LRRIQ1: variants seen among roughly 807,000 people sequenced by gnomAD.
LRRIQ1 encodes the protein leucine-rich repeat- and IQ domain-containing protein 1.
In LRRIQ1, 210 loss-of-function variants were observed where a neutral mutation model predicts 211.9. The ratio of observed to expected loss-of-function variants is 0.99; its 90% confidence interval spans 0.89 to 1.11. The LOEUF (loss-of-function observed/expected upper bound fraction) is 1.11, where lower values mean the gene tolerates loss of function less well. LRRIQ1 is among the 50% of genes most tolerant of loss of function. The probability of loss-of-function intolerance (pLI) is 0.00; values close to 1 mark genes in which losing one functional copy is unlikely to be tolerated. For missense variants in LRRIQ1, 2,136 were observed against 1,939.5 expected (o/e 1.10, Z -1.90); for synonymous variants, 699 against 650.1 (o/e 1.08, Z -1.14).
In LRRIQ1 at chr12:85,243,459, G is replaced by A. The variant is rs193056441; in HGVS notation, c.5017-1330G>A. 2.4e-4 allele frequency among the ~76,000 whole-genome samples: 36 copies of A among 150,024 alleles called. 2 individuals are homozygous for A. In the East Asian group the frequency reaches 6.8e-3, roughly 28 times the overall value. On this transcript the variant is annotated intron_variant, in intron 26 of 26. Coordinates refer to ENST00000393217, the MANE Select transcript of LRRIQ1 (RefSeq NM_001079910.2). ...TTTTCTACCGAGGTTTTTTGACAATGTCATTATATTACTTAGCCAGTTACA... is the reference window on the plus strand; with the variant it reads ...TTTTCTACCGAGGTTTTTTGACAATATCATTATATTACTTAGCCAGTTACA...
the LRRIQ1 span, among the ~76,000 whole-genome samples, chr12:85,271,641 C>T: frequency 2.2e-4 from 33 of 152,218 alleles, no homozygotes; most frequent in African/African-American, 7.9e-4. Flanking sequence ...GTGACTGCTT[C>T]ATTTCTGTTA....
chr12:85,038,687 A>G (rs1479911264), intron 2 of LRRIQ1, among the ~76,000 whole-genome samples: 1 of 151,578 alleles, frequency 6.6e-6, no homozygotes, highest in Non-Finnish European at 1.5e-5. Flanking sequence ...AGATTTATTC[A>G]TTTATACCAA....
chr12:85,167,369 A>G (rs1440494296), intron 24 of LRRIQ1, among the ~76,000 whole-genome samples: 4 of 152,308 alleles, frequency 2.6e-5, no homozygotes, highest in Admixed American at 2.6e-4. Context: ...CTGCAAGCTG[A>G]GGAGCAAGGA....
intron 24 of LRRIQ1, among the ~76,000 whole-genome samples, chr12:85,217,496 ATATATATATATATGTGTGTGTGTGTG>A (rs1470256881): frequency 2.6e-5 from 2 of 78,334 alleles, no homozygotes; most frequent in African/African-American, 1.8e-4. Context: ...ATATATGTAT[ATATATATATATATGTGTGTGTGTGTG>A]TGTGTGTGTG....
At chr12:85,069,355 G>A (rs1485861992) in intron 10 of LRRIQ1, among the ~76,000 whole-genome samples, 1 of 151,974 alleles carries the variant, frequency 6.6e-6, no homozygotes, top group Non-Finnish European at 1.5e-5. Flanking sequence ...GTACATTTAG[G>A]TTGGTTCCAA....
intron 15 of LRRIQ1, among the ~76,000 whole-genome samples, chr12:85,115,681 T>C (rs1264327968): frequency 6.6e-6 from 1 of 152,184 alleles, no homozygotes; most frequent in Non-Finnish European, 1.5e-5. Flanking sequence ...GATAAAATCA[T>C]TACTTTGTTC....
At chr12:85,118,460 G>A (rs1379809488) in intron 15 of LRRIQ1, among the ~76,000 whole-genome samples, 3 of 148,154 alleles carry the variant, frequency 2.0e-5, no homozygotes, top group Non-Finnish European at 3.0e-5. Context: ...CAGAGTGGGG[G>A]TTGGGAGCTA....
At chr12:85,102,525 T>G (rs1220652287) in intron 13 of LRRIQ1, among the ~76,000 whole-genome samples, 10 of 151,780 alleles carry the variant, frequency 6.6e-5, no homozygotes, top group Admixed American at 6.6e-4. Flanking sequence ...CCCAGCCTCA[T>G]TATATCATCT....
chr12:85,226,705 G>A (rs1257386558), intron 24 of LRRIQ1, among the ~76,000 whole-genome samples: 14 of 91,090 alleles, frequency 1.5e-4, no homozygotes, highest in African/African-American at 4.4e-4. Flanking sequence ...AGCAGGCCCC[G>A]GTGTGTGATA....
At chr12:85,202,386 T>G (rs953872204) in intron 24 of LRRIQ1, among the ~76,000 whole-genome samples, 2 of 152,220 alleles carry the variant, frequency 1.3e-5, no homozygotes, top group Admixed American at 1.3e-4. Context: ...AGTGGTGTAT[T>G]GAAGTCTCCC....
At chr12:85,258,259 G>C (rs987260653) in intron 1 of LRRIQ1, among the ~76,000 whole-genome samples, 1 of 151,548 alleles carries the variant, frequency 6.6e-6, no homozygotes, top group East Asian at 1.9e-4. Context: ...ACTATCAAGA[G>C]TACCAAACAT....
chr12:85,060,247 C>G (rs952148095), intron 8 of LRRIQ1, among the ~76,000 whole-genome samples: 1 of 151,706 alleles, frequency 6.6e-6, no homozygotes, highest in Non-Finnish European at 1.5e-5. Flanking sequence ...CTTAATAGCC[C>G]GTTTCATCAA....
intron 18 of LRRIQ1, among the ~76,000 whole-genome samples, chr12:85,133,596 T>TA (rs2136515550): frequency 6.6e-6 from 1 of 152,260 alleles, no homozygotes; most frequent in South Asian, 2.1e-4. Flanking sequence ...TCCAGGAAGA[T>TA]AAAGTGGCAC....
intron 24 of LRRIQ1, among the ~76,000 whole-genome samples, chr12:85,169,984 A>G (rs2136800244): frequency 6.6e-6 from 1 of 152,266 alleles, no homozygotes; most frequent in African/African-American, 2.4e-5. Context: ...TCATTTAGTA[A>G]TACAAGGTTT....
chr12:85,131,858 T>C (rs1888789441), intron 18 of LRRIQ1, among the ~76,000 whole-genome samples: 1 of 152,056 alleles, frequency 6.6e-6, no homozygotes, highest in East Asian at 1.9e-4. Flanking sequence ...CATAGATAGA[T>C]TACTAGGATA....
rs1394897863 is a variant in LRRIQ1, at chr12:85,104,086, A to G, written c.3283+9A>G. 2.1e-6 allele frequency: 3 copies of G among 1,405,128 alleles called. No homozygotes were observed. The highest frequency in any genetic ancestry group is 2.5e-5 in the East Asian group (1 of 39,724). The allele number at this position is 1,405,128 out of a possible 1,614,324, so 87.0% of individuals were successfully genotyped here. On this transcript the variant is annotated intron_variant, in intron 14 of 26. Transcript: ENST00000393217. ...CCACAATTGTCTTTCTGGTAAGTTT[A>G]GCATAATATATATATTTTAATAATA... is the stretch of plus-strand genomic sequence containing the variant.
chr12:85,260,513 T>C (rs1896254918), intron 1 of LRRIQ1, among the ~76,000 whole-genome samples: 1 of 152,196 alleles, frequency 6.6e-6, no homozygotes, highest in Non-Finnish European at 1.5e-5. Flanking sequence ...TAGTCATTTG[T>C]GAAAATCTGC....
intron 24 of LRRIQ1, among the ~76,000 whole-genome samples, chr12:85,215,984 C>T (rs897365783): frequency 2.6e-5 from 4 of 152,108 alleles, no homozygotes; most frequent in African/African-American, 7.2e-5. Flanking sequence ...AGGTTATAAG[C>T]TTAACTATAG....
At position 85,098,407 on chromosome 12, in the gene LRRIQ1, G is replaced by A; in HGVS notation, c.2940G>A (p.Gln980=). ...NLQQLILDHN[Q]LINTKGLCDT... ...AACAACTAATTTTGGACCACAATCA[G>A]TTAATTAATACAAAAGGTCTTTGTG... The change falls in exon 12 of 27, where the codon CAG becomes CAA. Residue 980 remains glutamine, a synonymous_variant. Transcript: ENST00000393217. 1.2e-6 allele frequency: 2 copies of A among 1,610,068 alleles called. No homozygotes were observed. Among genetic ancestry groups the A allele is most frequent in the Non-Finnish European group, 8.5e-7 (1 of 1,178,176 alleles).
Sources: allele counts gnomAD v4.1 joint callset (sites outside exome capture counted in the v4.1 genomes callset), GRCh38; gene constraint gnomAD v4.1.1; transcripts MANE v1.5; gene names NCBI Gene and HGNC (gene_info 2026-07-23, HGNC 2026-07-21).